The following SQSTM1 variants were observed in gnomAD, a reference collection of about 807,000 sequenced individuals.
SQSTM1 encodes sequestosome-1.
SQSTM1 carries 36 observed loss-of-function variants against 45.1 expected under a neutral mutation model. The ratio of observed to expected loss-of-function variants is 0.80; its 90% CI spans 0.61 to 1.05. The LOEUF (loss-of-function observed/expected upper bound fraction) is 1.05, where lower values mean the gene tolerates loss of function less well. Ranked by LOEUF, SQSTM1 falls within the 50% of genes least tolerant of loss-of-function variation. SQSTM1 has a pLI of 0.00. For missense variants in SQSTM1, 617 were observed against 607.1 expected, an observed-to-expected ratio of 1.02 and a Z score of -0.17; for synonymous variants, 290 against 244.3, an observed-to-expected ratio of 1.19 and a Z score of -1.74.
upstream of SQSTM1, among the ~76,000 whole-genome samples, chr5:179,818,338 AT>A (rs1348333845): frequency 6.6e-6 from 1 of 152,114 alleles, no homozygotes; most frequent in Admixed American, 6.5e-5. Flanking sequence ...GTCCCCTGTG[AT>A]TGTCAATCTC....
rs753661045 is a variant in SQSTM1 at position 179,821,581 on chromosome 5, C to T, written c.205+440C>T. 3.7e-5 allele frequency: 17 copies of T among 454,972 alleles called. 1 individual carries two copies. The highest frequency in any genetic ancestry group is 2.2e-4 in the East Asian group (3 of 13,700). 28.2% of individuals were successfully genotyped at this position (454,972 alleles called of 1,614,324 possible). On this transcript the variant is annotated intron_variant, in intron 1 of 7. Transcript: ENST00000389805. ...GGGTTCAGATAATGCCCTGGAGGAG[C>T]CGGGCGAGCGCCGGCGAGGGGAGGG... is the stretch of plus-strand genomic sequence containing the variant.
chr5:179,823,117 A>G (rs1757845117), intron 2 of SQSTM1, 64 bp downstream of exon 2: 3 of 1,467,080 alleles, frequency 2.0e-6, no homozygotes, highest in East Asian at 2.3e-5. Flanking sequence ...CCTGCTGAGT[A>G]AAAAACAGGG....
At position 179,824,175 on chromosome 5, in the gene SQSTM1, C is replaced by T. The variant is rs770329828; in HGVS notation, c.532-7C>T. On this transcript the variant is annotated splice_polypyrimidine_tract_variant and splice_region_variant and intron_variant, in intron 3 of 7. Coordinates refer to ENST00000389805, the MANE Select transcript of SQSTM1 (RefSeq NM_003900.5). Reference sequence around the variant, plus strand: ...ACTGCCTGCCGCTCTGCTAATTCCTCCCCCAGGGCTTCTCGCACAGCCGCT... The same window carrying T: ...ACTGCCTGCCGCTCTGCTAATTCCTTCCCCAGGGCTTCTCGCACAGCCGCT... The T allele has an allele frequency of 1.4e-5, 23 of 1,613,674 alleles. No homozygotes were observed. Among genetic ancestry groups the T allele is most frequent in the Non-Finnish European group, 1.8e-5 (21 of 1,180,048 alleles).
At position 179,837,843 on chromosome 5, in the gene SQSTM1, G is replaced by T; in HGVS notation, c.*1250G>T. The T allele has an allele frequency of 6.2e-7, 1 of 1,611,540 alleles. No homozygotes were observed. On this transcript the variant is annotated 3_prime_UTR_variant, in exon 8 of 8. Transcript: ENST00000389805. ...TCTGCAGAGTTCTCCTGGAGGCAGG[G>T]GCTGCTGCCTTGTTTCACCTTCCAT...
Position 179,833,780 on chromosome 5 carries a change from C to T in SQSTM1, c.1163C>T (p.Pro388Leu). The T allele has an allele frequency of 1.2e-6, 2 of 1,614,070 alleles. No homozygotes were observed. The highest frequency in any genetic ancestry group is 1.7e-6 in the Non-Finnish European group (2 of 1,180,014). Residue 388 changes from proline (P) to leucine (L), a missense_variant and splice_region_variant, in exon 7 of 8, where the codon CCA (proline) becomes CTA (leucine). Pro to Leu is a moderately conservative substitution (Grantham distance 98). Transcript: ENST00000389805. ...GCTGCCTTGTACCCACATCTCCCGC[C>T]AGGCAAGTGAACCAAGAGGTTTTGT... ...KEAALYPHLP[P>L]EADPRLIESL...
chr5:179,822,066 G>C (rs1328962264), intron 1 of SQSTM1, among the ~76,000 whole-genome samples: 1 of 152,202 alleles, frequency 6.6e-6, no homozygotes, highest in African/African-American at 2.4e-5. Flanking sequence ...CAGTGTGAGA[G>C]CTTTTCATCA....
intron 1 of SQSTM1, chr5:179,821,613 G>A (rs946438588): frequency 6.8e-6 from 3 of 439,932 alleles, no homozygotes; most frequent in African/African-American, 4.1e-5. Context: ...AGGGAGTGAC[G>A]CGGGTAAACA....
chr5:179,817,516 G>A (rs1475541444), upstream of SQSTM1, among the ~76,000 whole-genome samples: 2 of 152,374 alleles, frequency 1.3e-5, no homozygotes, highest in Admixed American at 6.5e-5. Flanking sequence ...TCTTTCTGCA[G>A]CTCTGGCCTT....
At chr5:179,830,950 T>G (rs1230655363) in intron 5 of SQSTM1, among the ~76,000 whole-genome samples, 1 of 152,122 alleles carries the variant, frequency 6.6e-6, no homozygotes, top group African/African-American at 2.4e-5. Flanking sequence ...AGATTTCTCA[T>G]GTTGTTCTCC....
chr5:179,836,126 T>G, intron 7 of SQSTM1: 1 of 499,742 alleles, frequency 2.0e-6, no homozygotes, highest in Non-Finnish European at 3.7e-6. Flanking sequence ...ATTGGCTAAC[T>G]GGCCTGTTCT....
upstream of SQSTM1, among the ~76,000 whole-genome samples, chr5:179,816,727 C>T (rs1356472694): frequency 3.9e-5 from 6 of 152,190 alleles, no homozygotes; most frequent in Non-Finnish European, 7.4e-5. Flanking sequence ...GGGCTTGGGG[C>T]GCCTGGACCC....
intron 1 of SQSTM1, among the ~76,000 whole-genome samples, chr5:179,809,805 G>A (rs1562633314): frequency 6.6e-6 from 1 of 150,948 alleles, no homozygotes. Context: ...TACCACACCC[G>A]GCTAATTTTT....
In SQSTM1 at chr5:179,837,635, T is replaced by G; in HGVS notation, c.*1042T>G. The G allele has an allele frequency of 6.2e-7, 1 of 1,614,226 alleles. No individual in the cohort carries two copies. Among genetic ancestry groups the G allele is most frequent in the Non-Finnish European group, 8.5e-7 (1 of 1,180,040 alleles). ...GGCCTGTGCTCTGGGGGTCCCTTGC[T>G]TAGCCTGTGCTGGACCAGCTGGCCT... On this transcript the variant is annotated 3_prime_UTR_variant, in exon 8 of 8. Transcript: ENST00000389805.
upstream of SQSTM1, among the ~76,000 whole-genome samples, chr5:179,816,252 A>C (rs1184659084): frequency 2.0e-5 from 3 of 152,160 alleles, no homozygotes; most frequent in Admixed American, 2.0e-4. Context: ...AGGCTCAAGC[A>C]ATTCTCTTGC....
At chr5:179,834,054 GCAGA>G (rs1758376784) in intron 7 of SQSTM1, among the ~76,000 whole-genome samples, 1 of 151,272 alleles carries the variant, frequency 6.6e-6, no homozygotes, top group South Asian at 2.1e-4. Context: ...AACTTAACAT[GCAGA>G]CCAGGAATTA....
At chr5:179,825,331 C>A in intron 5 of SQSTM1, 105 bp downstream of exon 5, 1 of 1,029,474 alleles carries the variant, frequency 9.7e-7, no homozygotes, top group Non-Finnish European at 1.5e-6. Context: ...GCCCTTGACA[C>A]TGGTGAGGAT....
At chr5:179,813,905 ATATT>A (rs1757507309), upstream of SQSTM1, among the ~76,000 whole-genome samples, 2 of 152,230 alleles carry the variant, frequency 1.3e-5, no homozygotes, top group African/African-American at 4.8e-5. Context: ...CAAAACTAGC[ATATT>A]ATCTTTCCTA....
chr5:179,836,804 G>A lies in SQSTM1; in HGVS notation c.*211G>A. 1 of 762,554 alleles carries A rather than the reference G, an allele frequency of 1.3e-6. No individual in the cohort carries two copies. The highest frequency in any genetic ancestry group is 2.2e-6 in the Non-Finnish European group (1 of 457,050). 47.2% of individuals were successfully genotyped at this position (762,554 alleles called of 1,614,324 possible). A position where few individuals can be genotyped will look rare whatever the true frequency, so the allele number is the denominator to read the frequency against. Reference sequence around the variant, plus strand: ...GTGCTGATGTTTCCTGGGTGCCCTGGCTCCTTGCAGCAGGGCTGGGCCTGC... The same window carrying A: ...GTGCTGATGTTTCCTGGGTGCCCTGACTCCTTGCAGCAGGGCTGGGCCTGC... On this transcript the variant is annotated 3_prime_UTR_variant, in exon 8 of 8. Coordinates refer to ENST00000389805, the MANE Select transcript of SQSTM1 (RefSeq NM_003900.5).
At chr5:179,834,627 G>A (rs967533092) in intron 7 of SQSTM1, among the ~76,000 whole-genome samples, 12 of 151,924 alleles carry the variant, frequency 7.9e-5, no homozygotes, top group Admixed American at 2.6e-4. Context: ...TAAGGAGCAT[G>A]CTGCCTTCAA....
Sources: gnomAD v4.1 joint callset for allele counts (sites outside exome capture counted in the v4.1 genomes callset) on GRCh38, gnomAD v4.1.1 for gene constraint, MANE v1.5 for transcripts, NCBI Gene and HGNC (gene_info 2026-07-23, HGNC 2026-07-21) for gene names.